Variants in ELMOD2 observed in about 807,000 individuals in gnomAD.
ELMOD2 encodes the protein ELMO domain-containing protein 2.
ELMOD2 carries 28 observed loss-of-function variants against 41.0 expected under a neutral mutation model. That is an observed-to-expected ratio of 0.68 (90% confidence interval 0.51 to 0.94). ELMOD2 has a LOEUF of 0.94. Among genes scored for constraint, ELMOD2 ranks in the 40% least tolerant of loss-of-function variants. ELMOD2 has a pLI of 0.00. For synonymous variants in ELMOD2, 106 were observed against 107.2 expected, an observed-to-expected ratio of 0.99 and a Z score of 0.07; for missense variants, 333 against 343.1, an observed-to-expected ratio of 0.97 and a Z score of 0.23.
At chr4:140,525,356 C>CTAAG (rs3833618) in intron 1 of ELMOD2, 64 bp from the exon 2 acceptor site, 1 of 1,495,140 alleles carries the variant, frequency 6.7e-7, no homozygotes, top group African/African-American at 1.4e-5. Flanking sequence ...GTTGTATAAA[C>CTAAG]TTTTTAAATT....
chr4:140,552,507 C>G lies in ELMOD2; in HGVS notation c.*2132C>G, dbSNP rs1735494342. On this transcript the variant is annotated 3_prime_UTR_variant, in exon 9 of 9. Coordinates refer to ENST00000323570, the MANE Select transcript of ELMOD2 (RefSeq NM_153702.4). ...AGTCTAGAAGCCAAGCAAACTGTCA[C>G]CAATGTCAGTTGTAAATTAGAATGC... The G allele has an allele frequency of 6.6e-6, 1 of 152,036 alleles. No homozygotes were observed. Among genetic ancestry groups the G allele is most frequent in the Non-Finnish European group, 1.5e-5 (1 of 67,924 alleles). The allele number at this position is 152,036 out of a possible 1,614,324, so 9.4% of individuals were successfully genotyped here. A position where few individuals can be genotyped will look rare whatever the true frequency, so the allele number is the denominator to read the frequency against.
chr4:140,533,109 T>C (rs1284865980), intron 3 of ELMOD2, among the ~76,000 whole-genome samples: 1 of 152,190 alleles, frequency 6.6e-6, no homozygotes, highest in Non-Finnish European at 1.5e-5. Context: ...ATACACTGTA[T>C]TCATCCATTG....
At chr4:140,535,395 A>T (rs911382671) in intron 3 of ELMOD2, 2 of 177,854 alleles carry the variant, frequency 1.1e-5, no homozygotes, top group African/African-American at 4.8e-5. Flanking sequence ...TTAATTTTTT[A>T]AACTTATGCA....
chr4:140,545,236 CATT>C (rs1203938323), intron 8 of ELMOD2, among the ~76,000 whole-genome samples: 7 of 152,066 alleles, frequency 4.6e-5, no homozygotes, highest in Non-Finnish European at 7.4e-5. Flanking sequence ...CTTTTCGAAA[CATT>C]ATCATGACTT....
intron 1 of ELMOD2, chr4:140,524,736 G>C: frequency 1.6e-6 from 1 of 629,160 alleles, no homozygotes; most frequent in East Asian, 1.4e-4. Context: ...CCTCTCACTA[G>C]TATCTCCCTG....
chr4:140,524,435 C>A (rs926192838), intron 1 of ELMOD2, 155 bp downstream of exon 1: 6 of 265,208 alleles, frequency 2.3e-5, no homozygotes, highest in Non-Finnish European at 2.9e-5. Flanking sequence ...TCGCGGGCGG[C>A]GCGCGAGGGG....
rs921146473 is a variant in ELMOD2, at chr4:140,546,049, C to T, written c.736+2463C>T. ...GACACATGCACACATATGTTTATTG[C>T]GGCACTACTCACAATAGCAAAGACT... On this transcript the variant is annotated intron_variant, in intron 8 of 8. Coordinates refer to ENST00000323570, the MANE Select transcript of ELMOD2 (RefSeq NM_153702.4). Among the ~76,000 whole-genome samples, 7 of 152,010 alleles carry T rather than the reference C, an allele frequency of 4.6e-5. No homozygotes were observed. In the East Asian group the frequency reaches 5.8e-4, roughly 13 times the overall value.
At chr4:140,543,336 C>A (rs1449877056) in intron 7 of ELMOD2, 117 bp from the exon 8 acceptor site, 2 of 1,136,204 alleles carry the variant, frequency 1.8e-6, no homozygotes, top group Non-Finnish European at 2.5e-6. Flanking sequence ...TAGAGATTAT[C>A]ATAAAATCAA....
chr4:140,543,850 A>G (rs1425075757), intron 8 of ELMOD2, among the ~76,000 whole-genome samples: 1 of 152,126 alleles, frequency 6.6e-6, no homozygotes, highest in African/African-American at 2.4e-5. Context: ...ATTTTTCTCT[A>G]GGCATTCATT....
Position 140,535,690 on chromosome 4 carries a change from C to T in ELMOD2, c.172-43C>T, listed in dbSNP as rs1488776779. 3.9e-6 allele frequency: 6 copies of T among 1,542,144 alleles called. No individual in the cohort carries two copies. In the South Asian group the frequency reaches 7.0e-5, roughly 18 times the overall value. The stretch of plus-strand genomic sequence containing the variant: ...TGTCTCACAACTATGTCTTTTTCAG[C>T]TACAAAGAATTTTTCTCATTTGGCT... On this transcript the variant is annotated intron_variant, in intron 3 of 8. Coordinates refer to ENST00000323570, the MANE Select transcript of ELMOD2 (RefSeq NM_153702.4).
intron 3 of ELMOD2, among the ~76,000 whole-genome samples, chr4:140,529,171 A>G (rs1734662215): frequency 1.3e-5 from 2 of 152,162 alleles, no homozygotes; most frequent in Non-Finnish European, 1.5e-5. Context: ...TTCCCAGGTG[A>G]TACTGCTGCA....
In ELMOD2 at chr4:140,540,228, G is replaced by A; in HGVS notation, c.460G>A (p.Glu154Lys). Reference protein sequence around the residue: ...LNARISKQWAEIGFQGDDPKT... With the variant: ...LNARISKQWAKIGFQGDDPKT... ...CGCTAGAATCTCCAAGCAGTGGGCT[G>A]AAATTGGTTTTCAGGGTGATGATCC... is the stretch of plus-strand genomic sequence containing the variant. Residue 154 changes from glutamate to lysine, a missense_variant, in exon 6 of 9, where the codon GAA (glutamate) becomes AAA (lysine). Transcript: ENST00000323570. The A allele has an allele frequency of 6.2e-7, 1 of 1,614,152 alleles. No homozygotes were observed. Among genetic ancestry groups the A allele is most frequent in the Non-Finnish European group, 8.5e-7 (1 of 1,180,016 alleles).
chr4:140,550,362 C>CT lies in ELMOD2; in HGVS notation c.872dup (p.Leu291PhefsTer49). On this transcript the variant is annotated frameshift_variant, in exon 9 of 9. Coordinates refer to ENST00000323570, the MANE Select transcript of ELMOD2 (RefSeq NM_153702.4). LOFTEE classifies it high-confidence loss of function. Reference sequence around the variant, plus strand: ...TTACTGGATTGTAATGTAGCACTTACTTTAAAAGTATAAATCATCCACTGT... The same window carrying CT: ...TTACTGGATTGTAATGTAGCACTTACTTTTAAAAGTATAAATCATCCACTGT... 1 of 1,601,966 alleles carries CT rather than the reference C, an allele frequency of 6.2e-7. No homozygotes were observed. Among genetic ancestry groups the CT allele is most frequent in the Non-Finnish European group, 8.5e-7 (1 of 1,175,864 alleles).
chr4:140,533,392 A>G (rs1023163638), intron 3 of ELMOD2, among the ~76,000 whole-genome samples: 2 of 152,190 alleles, frequency 1.3e-5, no homozygotes, highest in Non-Finnish European at 2.9e-5. Context: ...AGAGTATCAG[A>G]GCAATTCAAT....
At chr4:140,528,554 T>C (rs1281699182) in intron 3 of ELMOD2, among the ~76,000 whole-genome samples, 1 of 152,214 alleles carries the variant, frequency 6.6e-6, no homozygotes, top group Non-Finnish European at 1.5e-5. Context: ...CATCTGTGTG[T>C]ATTTTGGACA....
At chr4:140,527,053 G>T (rs959621831) in intron 2 of ELMOD2, among the ~76,000 whole-genome samples, 2 of 152,130 alleles carry the variant, frequency 1.3e-5, no homozygotes, top group Non-Finnish European at 2.9e-5. Flanking sequence ...TGTACGATTT[G>T]GTTGCTATCA....
chr4:140,526,532 T>G (rs961663603), intron 2 of ELMOD2: 18 of 152,132 alleles, frequency 1.2e-4, no homozygotes, highest in African/African-American at 4.3e-4. Flanking sequence ...ATTTTTTTTT[T>G]GTGTTGATCA....
At chr4:140,547,635 T>G (rs552723556) in intron 8 of ELMOD2, among the ~76,000 whole-genome samples, 1 of 152,316 alleles carries the variant, frequency 6.6e-6, no homozygotes, top group South Asian at 2.1e-4. Flanking sequence ...ATCTTAAATA[T>G]ACACTTAAAT....
chr4:140,535,774 C>A lies in ELMOD2; in HGVS notation c.213C>A (p.Asp71Glu), dbSNP rs770021564. ...CACATGTTGTTCAGAGTGAAGTGGA[C>A]AAATATGTAGATGATATTATGAAGG... ...KATHVVQSEV[D>E]KYVDDIMKEK... The change falls in exon 4 of 9, where the codon GAC becomes GAA. Residue 71 changes from aspartate (D) to glutamate (E), a missense_variant. Coordinates refer to ENST00000323570, the MANE Select transcript of ELMOD2 (RefSeq NM_153702.4). 3 of 1,611,222 alleles carry A rather than the reference C, an allele frequency of 1.9e-6. No homozygotes were observed. The highest frequency in any genetic ancestry group is 2.5e-6 in the Non-Finnish European group (3 of 1,179,202).
Sources: gnomAD v4.1 joint callset for allele counts (sites outside exome capture counted in the v4.1 genomes callset) on GRCh38, gnomAD v4.1.1 for gene constraint, MANE v1.5 for transcripts, NCBI Gene and HGNC (gene_info 2026-07-23, HGNC 2026-07-21) for gene names.